The following MB21D2 variants were observed in gnomAD, a reference collection of about 807,000 sequenced individuals.
The protein encoded by MB21D2 is nucleotidyltransferase MB21D2.
In MB21D2, 9 loss-of-function variants were observed where a neutral mutation model predicts 33.3. That is an observed-to-expected ratio of 0.27 (90% CI 0.16 to 0.47). The LOEUF (loss-of-function observed/expected upper bound fraction) is 0.47. Ranked by LOEUF, MB21D2 falls within the 20% of genes least tolerant of loss-of-function variation. The pLI, the probability that MB21D2 is intolerant of heterozygous loss-of-function variation, is 0.99. For missense variants in MB21D2, 540 were observed against 624.6 expected (o/e 0.86, Z 1.44); for synonymous variants, 241 against 236.3 (o/e 1.02, Z -0.18).
At chr3:192,865,326 A>C (rs1713146468) in intron 1 of MB21D2, among the ~76,000 whole-genome samples, 1 of 152,166 alleles carries the variant, frequency 6.6e-6, no homozygotes, top group South Asian at 2.1e-4. Context: ...ATGACCCAAG[A>C]TTAGCCCTCA....
intron 1 of MB21D2, among the ~76,000 whole-genome samples, chr3:192,874,184 T>C (rs1713380514): frequency 6.6e-6 from 1 of 152,138 alleles, no homozygotes; most frequent in Non-Finnish European, 1.5e-5. Flanking sequence ...TGGGTAGCAG[T>C]AGTTACACCA....
intron 1 of MB21D2, among the ~76,000 whole-genome samples, chr3:192,846,687 C>T (rs1485570828): frequency 6.6e-6 from 1 of 152,178 alleles, no homozygotes; most frequent in African/African-American, 2.4e-5. Flanking sequence ...ATCAGAGAAA[C>T]AGCCATCATT....
At position 192,904,046 on chromosome 3, in the gene MB21D2, T is replaced by C. The variant is rs114058893; in HGVS notation, c.211+13584A>G. ...TCTTTACAGCAATGCAAAAACAGCC[T>C]ATTACAAGTACCTTCCTCATAGTGT... On this transcript the variant is annotated intron_variant, in intron 1 of 1. Transcript: ENST00000392452. Among the ~76,000 whole-genome samples, 1,039 of 152,336 alleles carry C rather than the reference T, an allele frequency of 6.8e-3. 13 individuals carry two copies. The highest frequency in any genetic ancestry group is 0.024 in the African/African-American group (982 of 41,570).
At chr3:192,802,919 C>A (rs1028121519) in intron 1 of MB21D2, among the ~76,000 whole-genome samples, 2 of 152,154 alleles carry the variant, frequency 1.3e-5, no homozygotes, top group Admixed American at 6.5e-5. Flanking sequence ...TTTGAGTACA[C>A]ACTGTTGTCT....
intron 1 of MB21D2, among the ~76,000 whole-genome samples, chr3:192,902,029 A>G (rs1434941461): frequency 6.6e-6 from 1 of 152,172 alleles, no homozygotes; most frequent in African/African-American, 2.4e-5. Flanking sequence ...CTTACTTTCA[A>G]AAGGAGGCTG....
rs1398911584 is a variant in MB21D2, at chr3:192,798,816, G to A, written c.1046C>T (p.Ala349Val). ...ACDRLPANYL[A>V]QEDYAAHFLL... is the part of the protein sequence containing the mutation. ...AAAGTGGGCTGCATAGTCTTCTTGAGCCAAGTAGTTGGCAGGAAGTCTGTC... is the reference window on the plus strand; with the variant it reads ...AAAGTGGGCTGCATAGTCTTCTTGAACCAAGTAGTTGGCAGGAAGTCTGTC... Residue 349 changes from alanine to valine, a missense_variant, in exon 2 of 2, where the codon GCT (alanine) becomes GTT (valine). Coordinates refer to ENST00000392452, the MANE Select transcript of MB21D2 (RefSeq NM_178496.4). This position sits in a 1 kb window ranked among gnomAD's most constrained non-coding sequence, Gnocchi z 4.8. The A allele has an allele frequency of 6.2e-7, 1 of 1,612,006 alleles. No individual in the cohort carries two copies.
intron 1 of MB21D2, among the ~76,000 whole-genome samples, chr3:192,889,603 A>G (rs1713807305): frequency 1.3e-5 from 2 of 152,054 alleles, no homozygotes; most frequent in Non-Finnish European, 2.9e-5. Context: ...TGCTGGCCCT[A>G]GAGTTTATCA....
chr3:192,846,744 T>C (rs930888969), intron 1 of MB21D2, among the ~76,000 whole-genome samples: 3 of 152,174 alleles, frequency 2.0e-5, no homozygotes, highest in African/African-American at 7.2e-5. Context: ...GCACACTCCC[T>C]AGAATAAACA....
At chr3:192,889,437 T>C (rs1360456352) in intron 1 of MB21D2, among the ~76,000 whole-genome samples, 2 of 152,140 alleles carry the variant, frequency 1.3e-5, no homozygotes, top group East Asian at 3.8e-4. Flanking sequence ...TGATTTGCTC[T>C]GAAGCTCTAA....
chr3:192,917,856 T>C lies in MB21D2; in HGVS notation c.-16A>G. 3.1e-6 allele frequency: 5 copies of C among 1,601,854 alleles called. No homozygotes were observed. The highest frequency in any genetic ancestry group is 4.3e-6 in the Non-Finnish European group (5 of 1,173,776). ...CCATCTTCATGCAAAACGCGCCGAG[T>C]AGCAGCTCCGCGGCAGCGCGGCACC... On this transcript the variant is annotated 5_prime_UTR_variant, in exon 1 of 2. Transcript: ENST00000392452.
chr3:192,892,896 T>TA (rs1267036539), intron 1 of MB21D2, among the ~76,000 whole-genome samples: 5 of 152,186 alleles, frequency 3.3e-5, no homozygotes, highest in Admixed American at 6.5e-5. Flanking sequence ...AAAATTGTAT[T>TA]AGACACCTCT....
rs1308052657 is a variant in MB21D2 at position 192,798,303 on chromosome 3, TAAA to T, written c.*80_*82del. On this transcript the variant is annotated 3_prime_UTR_variant, in exon 2 of 2. Coordinates refer to ENST00000392452, the MANE Select transcript of MB21D2 (RefSeq NM_178496.4). The surrounding 1 kb of genome is among the most constrained non-coding windows in gnomAD (Gnocchi z 4.8). ...ACAAATCCAATCTAGGCTGGATATG[TAAA>T]AAACAGAAAGATAGCATCACAAACC... 3 of 1,475,964 alleles carry T rather than the reference TAAA, an allele frequency of 2.0e-6. No homozygotes were observed. The African/African-American group carries it at 4.2e-5, about 21-fold the overall frequency. 91.4% of individuals were successfully genotyped at this position (1,475,964 alleles called of 1,614,324 possible).
chr3:192,900,406 AAAG>A (rs1172076403), intron 1 of MB21D2, among the ~76,000 whole-genome samples: 1 of 152,184 alleles, frequency 6.6e-6, no homozygotes, highest in African/African-American at 2.4e-5. Context: ...AGAAAATCAA[AAAG>A]AATACGTTGT....
rs187493889 is a variant in MB21D2, at chr3:192,881,607, G to C, written c.211+36023C>G. On this transcript the variant is annotated intron_variant, in intron 1 of 1. Coordinates refer to ENST00000392452, the MANE Select transcript of MB21D2 (RefSeq NM_178496.4). ...ACCCTTCTGGGGAAAGAGCACCCTC[G>C]CTGGCAGGTGTTTGTCTCAGAAGCT... Among the ~76,000 whole-genome samples the C allele has an allele frequency of 1.8e-3, 269 of 152,198 alleles. 1 individual carries two copies. Among genetic ancestry groups the C allele is most frequent in the African/African-American group, 6.1e-3 (254 of 41,458 alleles).
At chr3:192,841,004 T>C (rs571930757) in intron 1 of MB21D2, among the ~76,000 whole-genome samples, 1 of 152,318 alleles carries the variant, frequency 6.6e-6, no homozygotes, top group Admixed American at 6.5e-5. Flanking sequence ...TTTAAAGACC[T>C]AGGAGTGAAT....
At chr3:192,882,377 T>TTCAG (rs1293478486) in intron 1 of MB21D2, among the ~76,000 whole-genome samples, 2 of 151,624 alleles carry the variant, frequency 1.3e-5, no homozygotes, top group South Asian at 4.2e-4. Flanking sequence ...GCCCCGCACA[T>TTCAG]TATTAAACAA....
At chr3:192,843,279 A>G (rs1163914115) in intron 1 of MB21D2, among the ~76,000 whole-genome samples, 1 of 152,232 alleles carries the variant, frequency 6.6e-6, no homozygotes, top group Admixed American at 6.5e-5. Flanking sequence ...GTGGAACTAC[A>G]AAAGACAAGT....
intron 1 of MB21D2, among the ~76,000 whole-genome samples, chr3:192,863,325 G>T (rs1713095062): frequency 6.6e-6 from 1 of 152,062 alleles, no homozygotes; most frequent in Non-Finnish European, 1.5e-5. Context: ...CCCAATTTGT[G>T]GTGATTTGTT....
intron 1 of MB21D2, among the ~76,000 whole-genome samples, chr3:192,834,497 T>G (rs910539822): frequency 2.0e-5 from 3 of 151,828 alleles, no homozygotes; most frequent in African/African-American, 7.2e-5. Context: ...CCACTGCTTT[T>G]CTATCATGCC....
Sources: gnomAD v4.1 joint callset for allele counts (sites outside exome capture counted in the v4.1 genomes callset) on GRCh38, gnomAD v4.1.1 for gene constraint, Gnocchi (gnomAD v3.1) non-coding constraint, MANE v1.5 for transcripts, NCBI Gene and HGNC (gene_info 2026-07-23, HGNC 2026-07-21) for gene names.